Variants in BRINP3 observed in about 807,000 individuals in gnomAD.
BRINP3 encodes the protein BMP/retinoic acid inducible neural specific 3, also known as BMP/retinoic acid-inducible neural-specific protein 3.
Under a neutral mutation model 71.0 loss-of-function variants are expected in BRINP3, and 19 were observed. The observed-to-expected ratio is 0.27, with a 90% CI of 0.19 to 0.39. The LOEUF (loss-of-function observed/expected upper bound fraction) is 0.39, where lower values mean the gene tolerates loss of function less well. Among genes scored for constraint, BRINP3 ranks in the 10% least tolerant of loss-of-function variants. The pLI, the probability that BRINP3 is intolerant of heterozygous loss-of-function variation, is 1.00. For missense variants in BRINP3, 959 were observed against 940.8 expected (o/e 1.02, Z -0.25); for synonymous variants, 380 against 337.7 (o/e 1.13, Z -1.37).
chr1:190,476,218 C>T (rs1045285734), intron 1 of BRINP3, among the ~76,000 whole-genome samples: 1 of 136,884 alleles, frequency 7.3e-6, no homozygotes, highest in African/African-American at 2.7e-5. Flanking sequence ...CGTCAGCCAT[C>T]AATGACGACA....
intron 2 of BRINP3, among the ~76,000 whole-genome samples, chr1:190,413,169 G>A (rs1193063217): frequency 1.3e-5 from 2 of 152,142 alleles, no homozygotes; most frequent in African/African-American, 4.8e-5. Context: ...GTGCATGTGT[G>A]TGTCTGTGTG....
intron 2 of BRINP3, among the ~76,000 whole-genome samples, chr1:190,370,696 G>C (rs917270758): frequency 2.6e-5 from 4 of 152,182 alleles, no homozygotes; most frequent in South Asian, 2.1e-4. Flanking sequence ...CGAAGCCTGT[G>C]CCTCCTGCCA....
chr1:190,142,787 T>G (rs558879486), intron 7 of BRINP3, among the ~76,000 whole-genome samples: 2 of 151,712 alleles, frequency 1.3e-5, no homozygotes, highest in African/African-American at 4.8e-5. Context: ...AATCTAATTA[T>G]CAAAAAGCTC....
At chr1:190,208,407 GT>G (rs1216679168) in intron 6 of BRINP3, among the ~76,000 whole-genome samples, 1 of 152,036 alleles carries the variant, frequency 6.6e-6, no homozygotes, top group Non-Finnish European at 1.5e-5. Context: ...GCAGGTAAGG[GT>G]TTTCCTTATG....
At chr1:190,326,437 T>C (rs1483091587) in intron 2 of BRINP3, among the ~76,000 whole-genome samples, 1 of 151,980 alleles carries the variant, frequency 6.6e-6, no homozygotes, top group Non-Finnish European at 1.5e-5. Context: ...GACAGTCAGA[T>C]AGAGGAAATC....
At chr1:190,226,024 C>T (rs957424967) in intron 6 of BRINP3, 58 bp downstream of exon 6, 6 of 1,109,674 alleles carry the variant, frequency 5.4e-6, no homozygotes, top group Non-Finnish European at 6.4e-6. Flanking sequence ...ACAAATTAGC[C>T]ATTTCAATAT....
At chr1:190,315,692 A>G (rs72729192) in intron 2 of BRINP3, among the ~76,000 whole-genome samples, 9,686 of 152,238 alleles carry the variant, frequency 0.064, 439 homozygotes, top group East Asian at 0.11. Context: ...ATTGATGGAC[A>G]TAACTCTGCT....
chr1:190,126,587 A>G (rs1654104889), intron 7 of BRINP3, among the ~76,000 whole-genome samples: 1 of 151,878 alleles, frequency 6.6e-6, no homozygotes. Context: ...GACGATGCTC[A>G]GTGTCTTTGC....
intron 5 of BRINP3, among the ~76,000 whole-genome samples, chr1:190,232,994 T>A (rs762070206): frequency 6.6e-6 from 1 of 152,178 alleles, no homozygotes; most frequent in African/African-American, 2.4e-5. Flanking sequence ...TGGATAACAT[T>A]TAAATTGTTA....
intron 2 of BRINP3, among the ~76,000 whole-genome samples, chr1:190,383,710 A>T (rs1670698619): frequency 6.6e-6 from 1 of 152,062 alleles, no homozygotes; most frequent in South Asian, 2.1e-4. Context: ...CTTAGCATAG[A>T]TAGTCAGAAT....
At chr1:190,152,200 C>G (rs181373142) in intron 7 of BRINP3, among the ~76,000 whole-genome samples, 1 of 151,690 alleles carries the variant, frequency 6.6e-6, no homozygotes, top group Non-Finnish European at 1.5e-5. Flanking sequence ...AAAATTAATT[C>G]TTTTTAAATT....
chr1:190,162,035 G>T (rs536633498), intron 6 of BRINP3, among the ~76,000 whole-genome samples: 1 of 152,016 alleles, frequency 6.6e-6, no homozygotes, highest in Admixed American at 6.6e-5. Context: ...CATCTTTACG[G>T]CATTGAAGGA....
intron 4 of BRINP3, among the ~76,000 whole-genome samples, chr1:190,239,718 A>G (rs1271494657): frequency 6.6e-6 from 1 of 152,020 alleles, no homozygotes; most frequent in Admixed American, 6.6e-5. Context: ...CATCATCTAT[A>G]TCTATATTTA....
intron 2 of BRINP3, among the ~76,000 whole-genome samples, chr1:190,381,294 C>G (rs951961174): frequency 6.6e-6 from 1 of 151,868 alleles, no homozygotes; most frequent in Non-Finnish European, 1.5e-5. Flanking sequence ...CAAAACGAAA[C>G]AAAACAAAAA....
chr1:190,139,913 G>C (rs1655291103), intron 7 of BRINP3, among the ~76,000 whole-genome samples: 1 of 151,862 alleles, frequency 6.6e-6, no homozygotes, highest in Admixed American at 6.6e-5. Flanking sequence ...TTGTCTCTGA[G>C]GGCTTGCTTT....
chr1:190,249,440 G>C (rs1476278972), intron 4 of BRINP3, among the ~76,000 whole-genome samples: 1 of 151,650 alleles, frequency 6.6e-6, no homozygotes, highest in Non-Finnish European at 1.5e-5. Context: ...ATTTAGGTAA[G>C]AGCAATTAAA....
chr1:190,361,403 GT>G (rs1669138380), intron 2 of BRINP3, among the ~76,000 whole-genome samples: 1 of 151,774 alleles, frequency 6.6e-6, no homozygotes. Flanking sequence ...TTTTGTTTTT[GT>G]TTTTTGTTTT....
intron 2 of BRINP3, among the ~76,000 whole-genome samples, chr1:190,297,025 G>A (rs2102984177): frequency 6.6e-6 from 1 of 151,884 alleles, no homozygotes; most frequent in South Asian, 2.1e-4. Flanking sequence ...AAATTTCAAT[G>A]GCATTTTTCA....
At chr1:190,208,123 T>A (rs546060524) in intron 6 of BRINP3, among the ~76,000 whole-genome samples, 5 of 151,816 alleles carry the variant, frequency 3.3e-5, no homozygotes, top group African/African-American at 1.2e-4. Context: ...AATTTTTTTT[T>A]TTATTTTTTT....
Sources: gnomAD v4.1 joint callset for allele counts (sites outside exome capture counted in the v4.1 genomes callset) on GRCh38, gnomAD v4.1.1 for gene constraint, MANE v1.5 for transcripts, NCBI Gene and HGNC (gene_info 2026-07-23, HGNC 2026-07-21) for gene names.